The following PAK5 variants were observed in gnomAD, a reference collection of about 807,000 sequenced individuals.
The protein encoded by PAK5 is p21 (RAC1) activated kinase 5.
A neutral mutation model predicts 65.9 loss-of-function variants in PAK5; 16 were observed. The observed-to-expected ratio is 0.24, with a 90% confidence interval of 0.16 to 0.37. The LOEUF (loss-of-function observed/expected upper bound fraction) is 0.37. Ranked by LOEUF, PAK5 falls within the 10% of genes least tolerant of loss-of-function variation. The pLI, the probability that PAK5 is intolerant of heterozygous loss-of-function variation, is 1.00. For synonymous variants in PAK5, 371 were observed against 354.9 expected (o/e 1.05, Z -0.51); for missense variants, 785 against 903.9 (o/e 0.87, Z 1.69).
At chr20:9,807,483 C>A (rs956936923) in intron 1 of PAK5, among the ~76,000 whole-genome samples, 1 of 151,894 alleles carries the variant, frequency 6.6e-6, no homozygotes, top group Admixed American at 6.6e-5. Context: ...ATTAACACAC[C>A]CTGTGACCCA....
At chr20:9,817,427 A>C (rs1183517430) in intron 1 of PAK5, among the ~76,000 whole-genome samples, 8 of 152,190 alleles carry the variant, frequency 5.3e-5, no homozygotes, top group Admixed American at 5.2e-4. Flanking sequence ...CACACACAAT[A>C]GTGATCTCTT....
chr20:9,696,435 A>T (rs1328685965), intron 2 of PAK5, among the ~76,000 whole-genome samples: 1 of 152,220 alleles, frequency 6.6e-6, no homozygotes, highest in Admixed American at 6.6e-5. Flanking sequence ...TCTATATTAC[A>T]ACATTGTAAA....
intron 1 of PAK5, among the ~76,000 whole-genome samples, chr20:9,793,198 G>C (rs781235075): frequency 6.6e-6 from 1 of 151,992 alleles, no homozygotes; most frequent in East Asian, 1.9e-4. Flanking sequence ...AAGCATCCAC[G>C]CTGCAAAAGA....
At chr20:9,597,287 C>G (rs2046287784) in intron 3 of PAK5, among the ~76,000 whole-genome samples, 1 of 152,216 alleles carries the variant, frequency 6.6e-6, no homozygotes, top group South Asian at 2.1e-4. Context: ...CAGATAGTTA[C>G]AGCTCCTACA....
At chr20:9,555,716 G>A (rs893500389) in intron 7 of PAK5, among the ~76,000 whole-genome samples, 1 of 152,108 alleles carries the variant, frequency 6.6e-6, no homozygotes, top group Non-Finnish European at 1.5e-5. Context: ...CCTATCAAGA[G>A]GCAGAGTTTA....
intron 3 of PAK5, among the ~76,000 whole-genome samples, chr20:9,608,070 C>T (rs577245674): frequency 1.3e-5 from 2 of 152,234 alleles, no homozygotes; most frequent in African/African-American, 2.4e-5. Context: ...TAACCTCACA[C>T]AAGGGAGCTG....
chr20:9,547,438 C>A (rs924019847), intron 7 of PAK5, among the ~76,000 whole-genome samples: 2 of 152,188 alleles, frequency 1.3e-5, no homozygotes, highest in Admixed American at 1.3e-4. Flanking sequence ...TCTCATTTGA[C>A]AGCTCCCAAG....
chr20:9,770,070 G>C (rs902218214), intron 1 of PAK5, among the ~76,000 whole-genome samples: 11 of 152,136 alleles, frequency 7.2e-5, no homozygotes, highest in Non-Finnish European at 1.5e-4. Context: ...GGAAAAAATA[G>C]AGCTTATGTG....
chr20:9,759,663 T>C (rs947119101), intron 1 of PAK5, among the ~76,000 whole-genome samples: 1 of 152,096 alleles, frequency 6.6e-6, no homozygotes, highest in South Asian at 2.1e-4. Context: ...ATGCCTGTGG[T>C]ACAAGGTCGA....
intron 1 of PAK5, among the ~76,000 whole-genome samples, chr20:9,732,074 A>G (rs1246559785): frequency 6.6e-6 from 1 of 152,174 alleles, no homozygotes; most frequent in African/African-American, 2.4e-5. Context: ...TGATCTATAG[A>G]TACATTAGGT....
chr20:9,564,546 G>A (rs1049384746), intron 5 of PAK5, among the ~76,000 whole-genome samples: 1 of 152,196 alleles, frequency 6.6e-6, no homozygotes, highest in Non-Finnish European at 1.5e-5. Flanking sequence ...GAGATAACAT[G>A]ACAGTCTCAA....
chr20:9,760,907 C>T (rs1196026205), intron 1 of PAK5, among the ~76,000 whole-genome samples: 1 of 152,052 alleles, frequency 6.6e-6, no homozygotes, highest in Non-Finnish European at 1.5e-5. Flanking sequence ...CTCCTGACCT[C>T]AAGTGTTCTG....
chr20:9,768,130 C>G (rs1272060521), intron 1 of PAK5, among the ~76,000 whole-genome samples: 1 of 151,986 alleles, frequency 6.6e-6, no homozygotes, highest in East Asian at 1.9e-4. Context: ...ACTATGGGCA[C>G]GTAATAGTAA....
intron 2 of PAK5, among the ~76,000 whole-genome samples, chr20:9,660,184 G>T (rs1286382447): frequency 6.6e-6 from 1 of 151,960 alleles, no homozygotes; most frequent in African/African-American, 2.4e-5. Flanking sequence ...GCATGAGGGG[G>T]ATAAAGGCAA....
chr20:9,802,232 G>T (rs2049177552), intron 1 of PAK5, among the ~76,000 whole-genome samples: 1 of 152,096 alleles, frequency 6.6e-6, no homozygotes, highest in African/African-American at 2.4e-5. Flanking sequence ...GACAATCTGG[G>T]TCAGGAGGCA....
chr20:9,680,524 C>G (rs1473979401), intron 2 of PAK5, among the ~76,000 whole-genome samples: 2 of 152,152 alleles, frequency 1.3e-5, no homozygotes, highest in Non-Finnish European at 2.9e-5. Flanking sequence ...GTGGTCCCAT[C>G]TGAAGGGCAA....
chr20:9,641,225 T>A (rs1198726076), intron 3 of PAK5, among the ~76,000 whole-genome samples: 5 of 151,644 alleles, frequency 3.3e-5, no homozygotes, highest in Non-Finnish European at 5.9e-5. Flanking sequence ...CCCACAAACC[T>A]TGAGCTAAAC....
At chr20:9,801,342 T>C (rs1391561344) in intron 1 of PAK5, among the ~76,000 whole-genome samples, 2 of 151,940 alleles carry the variant, frequency 1.3e-5, no homozygotes, top group South Asian at 2.1e-4. Context: ...GATATAAATA[T>C]ATTTAAATCT....
chr20:9,802,463 A>G (rs891946490), intron 1 of PAK5, among the ~76,000 whole-genome samples: 5 of 152,090 alleles, frequency 3.3e-5, no homozygotes, highest in African/African-American at 1.2e-4. Context: ...TATGCATTGA[A>G]AGCATCTTAA....
Sources: allele counts gnomAD v4.1 joint callset (sites outside exome capture counted in the v4.1 genomes callset), GRCh38; gene constraint gnomAD v4.1.1; transcripts MANE v1.5; gene names NCBI Gene and HGNC (gene_info 2026-07-23, HGNC 2026-07-21).